Variants in RBFOX1 observed in about 807,000 individuals in gnomAD.
RBFOX1 encodes RNA binding fox-1 homolog 1, also known as RNA binding protein fox-1 homolog 1.
Under a neutral mutation model 57.7 loss-of-function variants are expected in RBFOX1, and 8 were observed. The observed-to-expected ratio is 0.14, with a 90% CI of 0.08 to 0.25. The LOEUF is 0.25. Ranked by LOEUF, RBFOX1 falls within the 10% of genes least tolerant of loss-of-function variation. The pLI is 1.00. For missense variants in RBFOX1, 611 were observed against 548.5 expected, an observed-to-expected ratio of 1.11 and a Z score of -1.14; for synonymous variants, 326 against 222.4, an observed-to-expected ratio of 1.47 and a Z score of -4.15.
intron 14 of RBFOX1, among the ~76,000 whole-genome samples, chr16:7,706,182 G>T (rs192909598): frequency 1.3e-5 from 2 of 152,156 alleles, no homozygotes; most frequent in African/African-American, 2.4e-5. Context: ...ACACAAGGGC[G>T]TGTTCAGAAA....
chr16:6,532,667 G>C (rs947527032), intron 2 of RBFOX1, among the ~76,000 whole-genome samples: 26 of 152,172 alleles, frequency 1.7e-4, no homozygotes, highest in African/African-American at 6.0e-4. Flanking sequence ...TGCACACTCT[G>C]GACTGTGCAC....
At chr16:7,555,849 T>A (rs1221006847) in intron 5 of RBFOX1, among the ~76,000 whole-genome samples, 1 of 152,156 alleles carries the variant, frequency 6.6e-6, no homozygotes, top group Admixed American at 6.5e-5. Context: ...TGCTCAGTAT[T>A]TATCTCATGG....
chr16:7,510,239 C>CAGATGCTTTGTGGT lies in RBFOX1; in HGVS notation c.28-7907_28-7894dup, dbSNP rs1366867113. The CAGATGCTTTGTGGT allele has an allele frequency of 5.1e-6, 5 of 985,772 alleles. No homozygotes were observed. The African/African-American group carries it at 8.7e-5, about 17-fold the overall frequency. 61.1% of individuals were successfully genotyped at this position (985,772 alleles called of 1,614,324 possible). On this transcript the variant is annotated intron_variant, in intron 4 of 15. Transcript: ENST00000550418. ...GCTCGTAATTGAGGCGTGCTTGGGGCAGATGCTTTGTGGTGTGGGACAAGA... is the reference window on the plus strand; with the variant it reads ...GCTCGTAATTGAGGCGTGCTTGGGGCAGATGCTTTGTGGTAGATGCTTTGTGGTGTGGGACAAGA...
chr16:6,152,536 G>A (rs1367429907), intron 1 of RBFOX1, among the ~76,000 whole-genome samples: 1 of 152,238 alleles, frequency 6.6e-6, no homozygotes, highest in African/African-American at 2.4e-5. Flanking sequence ...CCCCACTGGA[G>A]TGTTTATGCT....
At chr16:6,935,751 A>G (rs1266356846) in intron 3 of RBFOX1, among the ~76,000 whole-genome samples, 2 of 152,120 alleles carry the variant, frequency 1.3e-5, no homozygotes, top group Non-Finnish European at 2.9e-5. Flanking sequence ...TAATCAGAAG[A>G]ATGGAAAGTG....
chr16:6,723,541 G>T (rs1300560863), intron 3 of RBFOX1, among the ~76,000 whole-genome samples: 1 of 152,164 alleles, frequency 6.6e-6, no homozygotes, highest in Non-Finnish European at 1.5e-5. Flanking sequence ...TTTCTGGAAG[G>T]TTCTAACACA....
Position 6,483,984 on chromosome 16 carries a change from G to A in RBFOX1, c.-64+166927G>A, listed in dbSNP as rs896751592. 6 of 1,015,080 alleles carry A rather than the reference G, an allele frequency of 5.9e-6. No individual in the cohort carries two copies. The Admixed American group carries it at 1.6e-4, about 26-fold the overall frequency. The allele number at this position is 1,015,080 out of a possible 1,614,324, so 62.9% of individuals were successfully genotyped here. ...TCAGGGCTCGCCCTGGGTGCCCCGT[G>A]GTGGGGGTGGTCTGGACACTTGGAG... On this transcript the variant is annotated intron_variant, in intron 2 of 15. Coordinates refer to ENST00000550418, the MANE Select transcript of RBFOX1 (RefSeq NM_018723.4).
chr16:5,643,436 A>G (rs1208243744), intron 3 of RBFOX1, among the ~76,000 whole-genome samples: 3 of 152,178 alleles, frequency 2.0e-5, no homozygotes, highest in Admixed American at 2.0e-4. Context: ...CAAGGAAGAC[A>G]AGGTTTCCTG....
At chr16:7,362,708 C>T (rs139103504) in intron 4 of RBFOX1, among the ~76,000 whole-genome samples, 13 of 151,870 alleles carry the variant, frequency 8.6e-5, no homozygotes, top group Admixed American at 7.9e-4. Context: ...TTTGTGTATG[C>T]ATGCTAGTGT....
At chr16:5,740,877 C>T (rs2052747394) in intron 3 of RBFOX1, among the ~76,000 whole-genome samples, 1 of 152,144 alleles carries the variant, frequency 6.6e-6, no homozygotes, top group Non-Finnish European at 1.5e-5. Flanking sequence ...GACAGATGAC[C>T]ATGGTGGCAG....
At chr16:6,117,018 T>C (rs1015126090) in intron 1 of RBFOX1, among the ~76,000 whole-genome samples, 2 of 152,150 alleles carry the variant, frequency 1.3e-5, no homozygotes, top group Non-Finnish European at 2.9e-5. Flanking sequence ...TAGTTCTGAA[T>C]AGGGTGTGTG....
chr16:5,890,074 G>A (rs995543787), intron 4 of RBFOX1, among the ~76,000 whole-genome samples: 1 of 152,132 alleles, frequency 6.6e-6, no homozygotes. Flanking sequence ...GCTTCACCAC[G>A]AACAGACTGC....
At chr16:7,391,744 A>C (rs1248197689) in intron 4 of RBFOX1, among the ~76,000 whole-genome samples, 2 of 152,188 alleles carry the variant, frequency 1.3e-5, no homozygotes, top group East Asian at 3.9e-4. Context: ...CATCCTCAGC[A>C]TATGTGCCTT....
At chr16:6,542,481 G>GTCT (rs2096834784) in intron 2 of RBFOX1, among the ~76,000 whole-genome samples, 1 of 37,156 alleles carries the variant, frequency 2.7e-5, no homozygotes, top group Non-Finnish European at 5.4e-5. Flanking sequence ...TGGGACCATA[G>GTCT]TCTTTTTTTT....
At chr16:7,215,663 A>T (rs192413458) in intron 4 of RBFOX1, among the ~76,000 whole-genome samples, 66 of 151,766 alleles carry the variant, frequency 4.3e-4, no homozygotes, top group African/African-American at 1.6e-3. Context: ...TTCTTCCCCC[A>T]GTTCCCCAAT....
intron 2 of RBFOX1, among the ~76,000 whole-genome samples, chr16:6,587,202 A>C (rs1320391616): frequency 6.6e-6 from 1 of 152,136 alleles, no homozygotes; most frequent in East Asian, 1.9e-4. Context: ...CGCACTGGTA[A>C]CCACCATTCT....
At chr16:7,554,693 T>C (rs2087748138) in intron 5 of RBFOX1, among the ~76,000 whole-genome samples, 2 of 152,124 alleles carry the variant, frequency 1.3e-5, no homozygotes, top group African/African-American at 4.8e-5. Context: ...CCTACACCTA[T>C]AACTTAACTA....
intron 7 of RBFOX1, among the ~76,000 whole-genome samples, chr16:7,591,992 A>C (rs1451999903): frequency 6.6e-6 from 1 of 151,868 alleles, no homozygotes; most frequent in Non-Finnish European, 1.5e-5. Context: ...GTTACATTGC[A>C]ACCCTCAGGT....
intron 1 of RBFOX1, among the ~76,000 whole-genome samples, chr16:6,285,887 C>T (rs550934707): frequency 7.2e-5 from 11 of 152,214 alleles, no homozygotes; most frequent in African/African-American, 2.2e-4. Flanking sequence ...CAAGAAGGAA[C>T]GCAACAATAA....
Sources: allele counts gnomAD v4.1 joint callset (sites outside exome capture counted in the v4.1 genomes callset), GRCh38; gene constraint gnomAD v4.1.1; transcripts MANE v1.5; gene names NCBI Gene and HGNC (gene_info 2026-07-23, HGNC 2026-07-21).